The following SPINK9 variants were observed in gnomAD, a reference collection of about 807,000 sequenced individuals.
The protein encoded by SPINK9 is serine peptidase inhibitor Kazal type 9.
Under a neutral mutation model 10.8 loss-of-function variants are expected in SPINK9, and 3 were observed. The observed-to-expected ratio is 0.28, with a 90% CI of 0.13 to 0.72. The LOEUF (loss-of-function observed/expected upper bound fraction) is 0.72. Ranked by LOEUF, SPINK9 falls within the 30% of genes least tolerant of loss-of-function variation. The pLI, the probability that SPINK9 is intolerant of heterozygous loss-of-function variation, is 0.74. For missense variants in SPINK9, 101 were observed against 103.2 expected (o/e 0.98, Z 0.09); for synonymous variants, 30 against 31.2 (o/e 0.96, Z 0.12).
intron 1 of SPINK9, 95 bp from the exon 2 acceptor site, chr5:148,336,327 A>G: frequency 7.7e-7 from 1 of 1,305,268 alleles, no homozygotes; most frequent in Non-Finnish European, 1.1e-6. Context: ...TTTTTATGAC[A>G]GGCTGAAAGC....
chr5:148,331,133 C>T (rs1757143853), upstream of SPINK9, among the ~76,000 whole-genome samples: 1 of 152,238 alleles, frequency 6.6e-6, no homozygotes, highest in African/African-American at 2.4e-5. Context: ...GAGACGAACC[C>T]AGTACCTCAG....
chr5:148,337,765 G>A (rs1002234705), intron 2 of SPINK9, among the ~76,000 whole-genome samples: 1 of 151,940 alleles, frequency 6.6e-6, no homozygotes, highest in Non-Finnish European at 1.5e-5. Context: ...AGTTTAGAGA[G>A]GTAAAAAAAT....
chr5:148,337,237 G>C (rs1462094364), intron 2 of SPINK9, among the ~76,000 whole-genome samples: 2 of 152,072 alleles, frequency 1.3e-5, no homozygotes, highest in African/African-American at 4.8e-5. Context: ...ATTTGAGCAG[G>C]CAAGAAGAGG....
At chr5:148,329,587 A>C (rs1404141451) in intron 2 of SPINK9, among the ~76,000 whole-genome samples, 1 of 151,780 alleles carries the variant, frequency 6.6e-6, no homozygotes, top group Non-Finnish European at 1.5e-5. Flanking sequence ...AGTTCTTTTA[A>C]TTGTGATGTT....
intron 2 of SPINK9, among the ~76,000 whole-genome samples, 153 bp from the exon 3 acceptor site, chr5:148,338,325 T>C (rs1195580583): frequency 6.6e-6 from 1 of 152,188 alleles, no homozygotes; most frequent in Admixed American, 6.5e-5. Context: ...AAAACATCTT[T>C]ACATTTGAAA....
At chr5:148,325,150 G>A (rs1757043178) in intron 2 of SPINK9, among the ~76,000 whole-genome samples, 1 of 151,986 alleles carries the variant, frequency 6.6e-6, no homozygotes, top group African/African-American at 2.4e-5. Flanking sequence ...CCATTGCATG[G>A]ATATATGACA....
At chr5:148,324,736 G>A (rs1421595207) in intron 2 of SPINK9, among the ~76,000 whole-genome samples, 1 of 151,264 alleles carries the variant, frequency 6.6e-6, no homozygotes, top group Non-Finnish European at 1.5e-5. Flanking sequence ...TTATTAATGG[G>A]AAATAATTTA....
intron 2 of SPINK9, among the ~76,000 whole-genome samples, chr5:148,337,414 G>GAATTAATT: frequency 6.6e-6 from 1 of 152,162 alleles, no homozygotes; most frequent in South Asian, 2.1e-4. Flanking sequence ...ATGAATGAAT[G>GAATTAATT]AATGAATTAA....
At chr5:148,338,374 A>G in intron 2 of SPINK9, 104 bp from the exon 3 acceptor site, 1 of 995,726 alleles carries the variant, frequency 1.0e-6, no homozygotes, top group Non-Finnish European at 1.5e-6. Context: ...CAATTGTAAT[A>G]AGAAACATGC....
intron 3 of SPINK9, among the ~76,000 whole-genome samples, chr5:148,339,329 C>T (rs1757258244): frequency 6.6e-6 from 1 of 151,236 alleles, no homozygotes; most frequent in Admixed American, 6.6e-5. Flanking sequence ...TACAAACGAG[C>T]ATCTAACATA....
At chr5:148,323,802 A>G in exon 2 of SPINK9, 1 of 701,504 alleles carries the variant, frequency 1.4e-6, no homozygotes, top group South Asian at 1.5e-5. Flanking sequence ...AACTCCACCA[A>G]GCAGCTCAGG....
intron 2 of SPINK9, among the ~76,000 whole-genome samples, chr5:148,324,194 T>C (rs978784872): frequency 2.0e-5 from 3 of 152,128 alleles, no homozygotes; most frequent in African/African-American, 7.2e-5. Flanking sequence ...ACATTTCTAT[T>C]CGTTAGAAAT....
At chr5:148,323,836 T>C (rs1412522097) in exon 2 of SPINK9, 1 of 701,404 alleles carries the variant, frequency 1.4e-6, no homozygotes, top group Non-Finnish European at 2.6e-6. Context: ...CCCAGGAGAC[T>C]CATGGGCTTA....
upstream of SPINK9, among the ~76,000 whole-genome samples, chr5:148,332,400 C>T (rs893645780): frequency 6.6e-6 from 1 of 152,178 alleles, no homozygotes; most frequent in Non-Finnish European, 1.5e-5. Flanking sequence ...AATCTGAAAC[C>T]TTGGAAATGT....
chr5:148,323,794 C>A, exon 2 of SPINK9: 1 of 701,182 alleles, frequency 1.4e-6, no homozygotes, highest in South Asian at 1.5e-5. Flanking sequence ...CATTATAAAA[C>A]TCCACCAAGC....
intron 2 of SPINK9, chr5:148,323,939 A>G (rs925080868): frequency 1.5e-5 from 10 of 651,540 alleles, no homozygotes; most frequent in Middle Eastern, 2.4e-4. Flanking sequence ...AATAAAGAGA[A>G]TAATCACCCC....
chr5:148,339,460 G>A (rs1757261042), intron 3 of SPINK9, among the ~76,000 whole-genome samples: 1 of 151,716 alleles, frequency 6.6e-6, no homozygotes, highest in South Asian at 2.1e-4. Context: ...CTGTTTTCAG[G>A]GATATAAATT....
chr5:148,323,228 G>A (rs1030618862), intron 1 of SPINK9, among the ~76,000 whole-genome samples: 2 of 152,180 alleles, frequency 1.3e-5, no homozygotes, highest in East Asian at 3.9e-4. Context: ...CATAGAAATA[G>A]TGACTAAAGT....
intron 2 of SPINK9, among the ~76,000 whole-genome samples, chr5:148,329,266 CT>C (rs1322795223): frequency 6.6e-6 from 1 of 152,162 alleles, no homozygotes; most frequent in African/African-American, 2.4e-5. Context: ...TTATCCCTGT[CT>C]TCTAGATTTT....
Sources: gnomAD v4.1 joint callset for allele counts (sites outside exome capture counted in the v4.1 genomes callset) on GRCh38, gnomAD v4.1.1 for gene constraint, MANE v1.5 for transcripts, NCBI Gene and HGNC (gene_info 2026-07-23, HGNC 2026-07-21) for gene names.